ANO4: variants seen among roughly 807,000 people sequenced by gnomAD.
ANO4 encodes anoctamin 4.
A neutral mutation model predicts 141.9 loss-of-function variants in ANO4; 69 were observed. The ratio of observed to expected loss-of-function variants is 0.49; its 90% CI spans 0.40 to 0.59. ANO4 has a LOEUF of 0.59. ANO4 is among the 20% of genes least tolerant of loss of function. ANO4 has a pLI of 0.00. For missense variants in ANO4, 894 were observed against 1,162.2 expected (o/e 0.77, Z 3.36); for synonymous variants, 350 against 394.3 (o/e 0.89, Z 1.33).
At chr12:100,815,069 G>C (rs560774843) in intron 1 of ANO4, among the ~76,000 whole-genome samples, 52 of 152,232 alleles carry the variant, frequency 3.4e-4, no homozygotes, top group Admixed American at 1.0e-3. Context: ...GAAACAGAGA[G>C]AGAGAGAGGG....
chr12:100,997,977 TC>T (rs1459180487), intron 8 of ANO4, among the ~76,000 whole-genome samples: 1 of 152,210 alleles, frequency 6.6e-6, no homozygotes, highest in Non-Finnish European at 1.5e-5. Flanking sequence ...AGGCAAGGTA[TC>T]CAGCAAAATA....
intron 9 of ANO4, among the ~76,000 whole-genome samples, chr12:101,020,992 T>G (rs2046500528): frequency 6.6e-6 from 1 of 152,122 alleles, no homozygotes; most frequent in South Asian, 2.1e-4. Flanking sequence ...GACAGGGGAT[T>G]GGAGTAATGG....
intron 11 of ANO4, among the ~76,000 whole-genome samples, chr12:101,041,407 A>G (rs2047406937): frequency 1.3e-5 from 2 of 152,214 alleles, no homozygotes; most frequent in Admixed American, 1.3e-4. Flanking sequence ...GTGGGGGGAA[A>G]AACAAAAGTA....
intron 14 of ANO4, among the ~76,000 whole-genome samples, chr12:101,057,562 G>A (rs1206790058): frequency 6.6e-6 from 1 of 152,166 alleles, no homozygotes; most frequent in Non-Finnish European, 1.5e-5. Context: ...CATTCTAACT[G>A]GCATGAGATG....
intron 3 of ANO4, among the ~76,000 whole-genome samples, chr12:100,935,622 C>T (rs540849558): frequency 1.3e-5 from 2 of 152,264 alleles, no homozygotes; most frequent in South Asian, 2.1e-4. Flanking sequence ...TTGTGATGTT[C>T]GTGCCCATGG....
chr12:100,994,476 C>T (rs894169086), intron 8 of ANO4, among the ~76,000 whole-genome samples: 1 of 152,012 alleles, frequency 6.6e-6, no homozygotes, highest in Non-Finnish European at 1.5e-5. Flanking sequence ...CAAGAAGAGT[C>T]GTGTTACTTT....
intron 1 of ANO4, among the ~76,000 whole-genome samples, chr12:100,864,818 C>A (rs2038670061): frequency 6.6e-6 from 1 of 152,112 alleles, no homozygotes; most frequent in Admixed American, 6.6e-5. Context: ...GGTATTTCTC[C>A]TAATGCTATC....
chr12:100,752,505 C>T (rs2032426586), intron 3 of ANO4, among the ~76,000 whole-genome samples: 1 of 152,110 alleles, frequency 6.6e-6, no homozygotes, highest in Admixed American at 6.6e-5. Context: ...GATGTCACTG[C>T]TTACGAAGGA....
At chr12:100,771,437 C>T (rs961266749) in intron 3 of ANO4, among the ~76,000 whole-genome samples, 1 of 152,186 alleles carries the variant, frequency 6.6e-6, no homozygotes, top group Non-Finnish European at 1.5e-5. Context: ...TAACTACTTA[C>T]TGCAATAGTG....
At chr12:100,802,980 A>G (rs1428762992) in intron 1 of ANO4, among the ~76,000 whole-genome samples, 6 of 152,206 alleles carry the variant, frequency 3.9e-5, no homozygotes, top group Non-Finnish European at 8.8e-5. Flanking sequence ...CCTAGATAAA[A>G]GCAGCTTTTG....
At chr12:100,731,473 T>C (rs1432180570) in intron 1 of ANO4, among the ~76,000 whole-genome samples, 1 of 152,162 alleles carries the variant, frequency 6.6e-6, no homozygotes, top group East Asian at 1.9e-4. Flanking sequence ...ACTGGAGTGG[T>C]GCATTTGTTA....
chr12:100,976,710 C>T (rs1200434583), intron 7 of ANO4, among the ~76,000 whole-genome samples: 1 of 152,198 alleles, frequency 6.6e-6, no homozygotes, highest in Non-Finnish European at 1.5e-5. Flanking sequence ...ATAGGCCAAG[C>T]TCCATCTTCT....
chr12:100,733,939 G>A, intron 2 of ANO4: 1 of 631,358 alleles, frequency 1.6e-6, no homozygotes, highest in South Asian at 1.8e-5. Context: ...GGCTGGGGAG[G>A]AGAGGGAAGA....
At chr12:101,070,187 A>C (rs1379598699) in intron 14 of ANO4, among the ~76,000 whole-genome samples, 1 of 152,202 alleles carries the variant, frequency 6.6e-6, no homozygotes, top group Non-Finnish European at 1.5e-5. Context: ...ATGTGGAATC[A>C]CAAAAGACTC....
At chr12:100,790,992 T>C (rs989038642), upstream of ANO4, among the ~76,000 whole-genome samples, 2 of 152,242 alleles carry the variant, frequency 1.3e-5, no homozygotes, top group Non-Finnish European at 2.9e-5. Flanking sequence ...GGGACCATAC[T>C]TTAATGTGTA....
chr12:100,971,725 G>T (rs1317230210), intron 6 of ANO4, among the ~76,000 whole-genome samples: 1 of 152,038 alleles, frequency 6.6e-6, no homozygotes, highest in Non-Finnish European at 1.5e-5. Flanking sequence ...TGAACAGCCA[G>T]ACCACAGGCA....
chr12:101,089,393 G>A (rs529527936), intron 17 of ANO4, among the ~76,000 whole-genome samples: 6 of 151,960 alleles, frequency 3.9e-5, no homozygotes, highest in Admixed American at 1.3e-4. Context: ...TCATTTTGAC[G>A]TGATGTTTGT....
intron 1 of ANO4, among the ~76,000 whole-genome samples, chr12:100,870,453 T>A (rs911083376): frequency 6.6e-6 from 1 of 152,180 alleles, no homozygotes; most frequent in Non-Finnish European, 1.5e-5. Flanking sequence ...TTTTAAGTTT[T>A]CATTATTTTT....
chr12:100,904,731 C>T (rs1327612508), intron 2 of ANO4, among the ~76,000 whole-genome samples: 4 of 152,104 alleles, frequency 2.6e-5, no homozygotes, highest in Non-Finnish European at 5.9e-5. Context: ...GAAGCTCTTA[C>T]AGGGTTTTGA....
Sources: allele counts gnomAD v4.1 joint callset (sites outside exome capture counted in the v4.1 genomes callset), GRCh38; gene constraint gnomAD v4.1.1; transcripts MANE v1.5; gene names NCBI Gene and HGNC (gene_info 2026-07-23, HGNC 2026-07-21).